Variants in CSMD1 observed in about 807,000 individuals in gnomAD.
The protein encoded by CSMD1 is CUB and Sushi multiple domains 1, also known as CUB and sushi domain-containing protein 1.
CSMD1 carries 213 observed loss-of-function variants against 417.5 expected under a neutral mutation model. That is an observed-to-expected ratio of 0.51 (90% CI 0.46 to 0.57). CSMD1 has a LOEUF of 0.57. CSMD1 is among the 20% of genes least tolerant of loss of function. The pLI, the probability that CSMD1 is intolerant of heterozygous loss-of-function variation, is 0.00. For missense variants in CSMD1, 6,923 were observed against 4,529.7 expected (o/e 1.53, Z -15.17); for synonymous variants, 2,862 against 1,736.8 (o/e 1.65, Z -16.11).
chr8:4,228,896 G>A (rs1013391782), intron 3 of CSMD1, among the ~76,000 whole-genome samples: 2 of 151,994 alleles, frequency 1.3e-5, no homozygotes, highest in African/African-American at 4.8e-5. Context: ...TGGCCAGGCT[G>A]GTCTTGAACT....
At chr8:4,285,869 C>G (rs1386667031) in intron 3 of CSMD1, among the ~76,000 whole-genome samples, 1 of 152,172 alleles carries the variant, frequency 6.6e-6, no homozygotes, top group Non-Finnish European at 1.5e-5. Context: ...TACTTGTGGT[C>G]TCTTCCAGCC....
chr8:4,152,934 T>C (rs1051256642), intron 3 of CSMD1, among the ~76,000 whole-genome samples: 1 of 152,204 alleles, frequency 6.6e-6, no homozygotes, highest in African/African-American at 2.4e-5. Context: ...TACTCTATCC[T>C]CTTCTCAAAA....
chr8:4,132,462 TTTTAC>T (rs1461284722), intron 3 of CSMD1, among the ~76,000 whole-genome samples: 4 of 152,288 alleles, frequency 2.6e-5, no homozygotes, highest in Admixed American at 1.3e-4. Context: ...TCCATTTAAC[TTTTAC>T]TTTAACAGGA....
At chr8:3,452,481 C>A (rs892450893) in intron 12 of CSMD1, among the ~76,000 whole-genome samples, 1 of 152,074 alleles carries the variant, frequency 6.6e-6, no homozygotes, top group Non-Finnish European at 1.5e-5. Flanking sequence ...ATTATTTTGA[C>A]ATACATCCCA....
intron 3 of CSMD1, among the ~76,000 whole-genome samples, chr8:4,067,432 T>C (rs574330514): frequency 3.3e-5 from 5 of 152,184 alleles, no homozygotes; most frequent in Admixed American, 6.5e-5. Context: ...CCCAGAGAAT[T>C]TATTATTGTT....
rs1488365913 is a variant in CSMD1 at position 3,940,553 on chromosome 8, G to A, written c.818+57350C>T. Among the ~76,000 whole-genome samples the A allele has an allele frequency of 2.7e-5, 4 of 147,616 alleles. No individual in the cohort carries two copies. In the South Asian group the frequency reaches 8.7e-4, roughly 32 times the overall value. On this transcript the variant is annotated intron_variant, in intron 5 of 69. Transcript: ENST00000635120. The stretch of plus-strand genomic sequence containing the variant: ...TGTGTGTGTATGTATGTGTACATAG[G>A]TTTCTTTGTGTGGATATAGGTATTC...
At chr8:4,491,825 GC>G (rs1444221233) in intron 2 of CSMD1, among the ~76,000 whole-genome samples, 1 of 152,130 alleles carries the variant, frequency 6.6e-6, no homozygotes, top group Non-Finnish European at 1.5e-5. Flanking sequence ...TTCTTACAAA[GC>G]TAAACACAGT....
At chr8:4,887,422 G>A (rs1033702804) in intron 1 of CSMD1, among the ~76,000 whole-genome samples, 1 of 152,018 alleles carries the variant, frequency 6.6e-6, no homozygotes, top group Non-Finnish European at 1.5e-5. Context: ...CTGCAAATGA[G>A]AACCGAGGTA....
In CSMD1 at chr8:3,307,787, T is replaced by C. The variant is rs1399439743; in HGVS notation, c.3858A>G (p.Ser1286=). ...ECGGQIHAAT[S]GRILSPGYPA... Reference sequence around the variant, plus strand: ...GATAGCCAGGGGACAATATTCGTCCTGATGTGGCTGCATGGATCTGACCAC... The same window carrying C: ...GATAGCCAGGGGACAATATTCGTCCCGATGTGGCTGCATGGATCTGACCAC... The change falls in exon 25 of 70, where the codon TCA becomes TCG. Residue 1286 remains serine (S), a synonymous_variant. Coordinates refer to ENST00000635120, the MANE Select transcript of CSMD1 (RefSeq NM_033225.6). 2 of 1,613,650 alleles carry C rather than the reference T, an allele frequency of 1.2e-6. No individual in the cohort carries two copies. Among genetic ancestry groups the C allele is most frequent in the Middle Eastern group, 3.3e-4 (2 of 6,056 alleles).
intron 1 of CSMD1, among the ~76,000 whole-genome samples, chr8:4,689,907 T>C (rs751835456): frequency 9.2e-5 from 14 of 152,156 alleles, no homozygotes; most frequent in Non-Finnish European, 1.8e-4. Flanking sequence ...GGAAAGCCTG[T>C]TTTAATACAC....
chr8:4,680,950 A>ATGTGTGTGTGTGTG (rs71209112), intron 1 of CSMD1, among the ~76,000 whole-genome samples: 9,202 of 144,084 alleles, frequency 0.064, 386 homozygotes, highest in Non-Finnish European at 0.092. Flanking sequence ...ATCTATATTG[A>ATGTGTGTGTGTGTG]TGTGTGTGTG....
At chr8:4,101,874 C>T (rs547232598) in intron 3 of CSMD1, among the ~76,000 whole-genome samples, 2 of 152,268 alleles carry the variant, frequency 1.3e-5, no homozygotes, top group East Asian at 1.9e-4. Flanking sequence ...AATTGCCCAT[C>T]ATCTTGTTAA....
chr8:2,971,088 C>A (rs1264640159), intron 57 of CSMD1, among the ~76,000 whole-genome samples: 1 of 152,128 alleles, frequency 6.6e-6, no homozygotes, highest in Admixed American at 6.5e-5. Flanking sequence ...TTCCTAAGAA[C>A]AAAGGCATTC....
chr8:4,568,309 T>C (rs777895492), intron 2 of CSMD1, among the ~76,000 whole-genome samples: 3 of 152,088 alleles, frequency 2.0e-5, no homozygotes, highest in Non-Finnish European at 2.9e-5. Flanking sequence ...GGCCCGTCTA[T>C]GATGTGTCCC....
chr8:4,096,146 A>G (rs893939009), intron 3 of CSMD1, among the ~76,000 whole-genome samples: 5 of 152,158 alleles, frequency 3.3e-5, no homozygotes, highest in African/African-American at 4.8e-5. Flanking sequence ...ATGTTCTATA[A>G]TAGGTGAGGG....
chr8:3,278,087 GA>G (rs557680600), intron 26 of CSMD1, among the ~76,000 whole-genome samples: 145 of 152,154 alleles, frequency 9.5e-4, no homozygotes, highest in African/African-American at 3.4e-3. Flanking sequence ...AGTTTCAAGG[GA>G]AAAAATATAT....
At chr8:3,579,824 G>A (rs1371976919) in intron 9 of CSMD1, among the ~76,000 whole-genome samples, 1 of 152,174 alleles carries the variant, frequency 6.6e-6, no homozygotes, top group Non-Finnish European at 1.5e-5. Flanking sequence ...TCACAGCAAG[G>A]CCAGTGTGGT....
chr8:4,359,668 T>C (rs565368555), intron 3 of CSMD1, among the ~76,000 whole-genome samples: 2 of 152,210 alleles, frequency 1.3e-5, no homozygotes, highest in South Asian at 2.1e-4. Flanking sequence ...TGGTTGATTC[T>C]GGGTATGAAT....
intron 3 of CSMD1, among the ~76,000 whole-genome samples, chr8:4,100,189 G>A (rs1329320708): frequency 1.3e-5 from 2 of 152,048 alleles, no homozygotes; most frequent in Admixed American, 6.6e-5. Context: ...CACTACCTTG[G>A]GGAAGGGTGA....
Sources: allele counts gnomAD v4.1 joint callset (sites outside exome capture counted in the v4.1 genomes callset), GRCh38; gene constraint gnomAD v4.1.1; transcripts MANE v1.5; gene names NCBI Gene and HGNC (gene_info 2026-07-23, HGNC 2026-07-21).